LRP12: variants seen among roughly 807,000 people sequenced by gnomAD.
LRP12 encodes the protein LDL receptor related protein 12.
In LRP12, 14 loss-of-function variants were observed where a neutral mutation model predicts 66.0. The ratio of observed to expected loss-of-function variants is 0.21; its 90% CI spans 0.14 to 0.33. The LOEUF is 0.33. Ranked by LOEUF, LRP12 falls within the 10% of genes least tolerant of loss-of-function variation. LRP12 has a pLI of 1.00. For synonymous variants in LRP12, 357 were observed against 359.1 expected, an observed-to-expected ratio of 0.99 and a Z score of 0.07; for missense variants, 889 against 1,053.4, an observed-to-expected ratio of 0.84 and a Z score of 2.16.
chr8:104,515,167 T>A (rs1588488623), intron 2 of LRP12, among the ~76,000 whole-genome samples: 1 of 152,240 alleles, frequency 6.6e-6, no homozygotes, highest in Non-Finnish European at 1.5e-5. Context: ...TTGAACTTCA[T>A]CTTTCTATAT....
chr8:104,581,920 CT>C (rs1280405186), intron 1 of LRP12, among the ~76,000 whole-genome samples: 3 of 152,132 alleles, frequency 2.0e-5, no homozygotes, highest in Non-Finnish European at 4.4e-5. Context: ...CTTAGCAAAA[CT>C]TTCACAAGCA....
chr8:104,555,781 T>C (rs983537877), intron 1 of LRP12, among the ~76,000 whole-genome samples: 5 of 151,982 alleles, frequency 3.3e-5, no homozygotes, highest in Non-Finnish European at 7.4e-5. Context: ...AAAGAAACAA[T>C]GGACTTCAAC....
In LRP12 at chr8:104,526,956, G is replaced by C. The variant is rs1321211357; in HGVS notation, c.136+4951C>G. On this transcript the variant is annotated intron_variant, in intron 2 of 6. Transcript: ENST00000276654. ...CATCTGACAAAAGGGCTAATATCCA[G>C]AATCTACAATGAACTCAAACAAATT... Among the ~76,000 whole-genome samples, 14 of 147,828 alleles carry C rather than the reference G, an allele frequency of 9.5e-5. No individual in the cohort carries two copies. In the South Asian group the frequency reaches 2.1e-3, roughly 22 times the overall value.
At position 104,493,057 on chromosome 8, in the gene LRP12, T is replaced by C. The variant is rs370173775; in HGVS notation, c.1714-1518A>G. ...CAATGCCTTCAACATACTTTATTGC[T>C]GACTTTAACATTTGGTTTGTCATAC... On this transcript the variant is annotated intron_variant, in intron 6 of 6. Transcript: ENST00000276654. Among the ~76,000 whole-genome samples, 199 of 152,344 alleles carry C rather than the reference T, an allele frequency of 1.3e-3. 1 individual carries two copies. Among genetic ancestry groups the C allele is most frequent in the African/African-American group, 4.6e-3 (192 of 41,586 alleles).
intron 1 of LRP12, among the ~76,000 whole-genome samples, chr8:104,557,297 A>G (rs1025211705): frequency 6.6e-6 from 1 of 152,172 alleles, no homozygotes; most frequent in African/African-American, 2.4e-5. Flanking sequence ...CAATCAGACA[A>G]GAGACAAAGG....
At chr8:104,517,882 T>C (rs1028365114) in intron 2 of LRP12, among the ~76,000 whole-genome samples, 1 of 152,120 alleles carries the variant, frequency 6.6e-6, no homozygotes, top group African/African-American at 2.4e-5. Context: ...CTGGATTGAA[T>C]GGCCATATGG....
intron 2 of LRP12, among the ~76,000 whole-genome samples, chr8:104,511,733 T>G (rs895162825): frequency 1.3e-5 from 2 of 152,088 alleles, no homozygotes; most frequent in African/African-American, 4.8e-5. Flanking sequence ...TATATTCTAC[T>G]GCAGAAAAAA....
At chr8:104,509,473 T>C (rs557174765) in intron 2 of LRP12, among the ~76,000 whole-genome samples, 1 of 152,338 alleles carries the variant, frequency 6.6e-6, no homozygotes, top group Non-Finnish European at 1.5e-5. Flanking sequence ...ATCTTCCCTT[T>C]GTCCAGTGTA....
intron 1 of LRP12, among the ~76,000 whole-genome samples, chr8:104,576,167 G>A (rs1812161713): frequency 6.6e-6 from 1 of 152,064 alleles, no homozygotes; most frequent in Non-Finnish European, 1.5e-5. Flanking sequence ...AAAGAGATGG[G>A]GAAAATGGAA....
chr8:104,508,967 C>T lies in LRP12; in HGVS notation c.244G>A (p.Ala82Thr), dbSNP rs888731366. 1 of 1,613,264 alleles carries T rather than the reference C, an allele frequency of 6.2e-7. No homozygotes were observed. Among genetic ancestry groups the T allele is most frequent in the African/African-American group, 1.3e-5 (1 of 75,000 alleles). ...AKINCSWFIRANPGEIITISF... is the reference protein window; with the variant it reads ...AKINCSWFIRTNPGEIITISF... ...ATAGTAATGATTTCGCCTGGGTTTG[C>T]CCTTATGAACCAGCTACAGTTGATT... The change falls in exon 3 of 7, where the codon GCA (alanine) becomes ACA (threonine). Residue 82 changes from alanine to threonine, a missense_variant. Ala to Thr is a moderately conservative substitution (Grantham distance 58, BLOSUM62 0). Coordinates refer to ENST00000276654, the MANE Select transcript of LRP12 (RefSeq NM_013437.5).
intron 6 of LRP12, among the ~76,000 whole-genome samples, chr8:104,492,362 T>C (rs939793323): frequency 1.2e-4 from 19 of 152,194 alleles, no homozygotes; most frequent in Admixed American, 6.5e-5. Context: ...AGTTTAGAGT[T>C]TGTTTTTAAA....
intron 1 of LRP12, among the ~76,000 whole-genome samples, chr8:104,554,378 T>C (rs1347405401): frequency 2.6e-5 from 4 of 151,694 alleles, no homozygotes; most frequent in Non-Finnish European, 2.9e-5. Flanking sequence ...TTTTTTTAAA[T>C]GTTACAGGAT....
intron 1 of LRP12, among the ~76,000 whole-genome samples, chr8:104,548,048 T>A (rs1811628464): frequency 1.7e-5 from 2 of 120,880 alleles, no homozygotes; most frequent in South Asian, 5.0e-4. Flanking sequence ...AATTCTGTTA[T>A]ATTATATTTT....
rs1013141274 is a variant in LRP12 at position 104,577,537 on chromosome 8, G to A, written c.79+11282C>T. 2.0e-5 allele frequency among the ~76,000 whole-genome samples: 3 copies of A among 152,234 alleles called. No homozygotes were observed. In the East Asian group the frequency reaches 5.8e-4, roughly 30 times the overall value. On this transcript the variant is annotated intron_variant, in intron 1 of 6. Coordinates refer to ENST00000276654, the MANE Select transcript of LRP12 (RefSeq NM_013437.5). ...AGAAGTTCTTGGAAACAGGCCGGGA[G>A]CAGTGGCTCACGCCTGTAATCCCAC... is the stretch of plus-strand genomic sequence containing the variant.
At chr8:104,554,951 A>C (rs1037866092) in intron 1 of LRP12, among the ~76,000 whole-genome samples, 2 of 152,194 alleles carry the variant, frequency 1.3e-5, no homozygotes, top group Non-Finnish European at 2.9e-5. Context: ...ACAAGCTAGA[A>C]GGGATTGGGG....
rs781122179 is a variant in LRP12, at chr8:104,497,996, T to C, written c.556A>G (p.Asn186Asp). 2.5e-6 allele frequency: 4 copies of C among 1,614,146 alleles called. No homozygotes were observed. Among genetic ancestry groups the C allele is most frequent in the Non-Finnish European group, 3.4e-6 (4 of 1,180,004 alleles). ...CTATCTCCACATTCATCCATGTTAT[T>C]ACATTTCCAGGCTTCTGGTATACAC... Reference protein sequence around the residue: ...GKCIPEAWKCNNMDECGDSSD... With the variant: ...GKCIPEAWKCDNMDECGDSSD... Residue 186 changes from asparagine (N) to aspartate (D), a missense_variant, in exon 5 of 7, where the codon AAT becomes GAT. Transcript: ENST00000276654. The surrounding 1 kb of genome is among the most constrained non-coding windows in gnomAD (Gnocchi z 4.3).
Position 104,490,822 on chromosome 8 carries a change from T to C in LRP12, c.2431A>G (p.Asn811Asp), listed in dbSNP as rs1445380887. 7 of 1,614,010 alleles carry C rather than the reference T, an allele frequency of 4.3e-6. No homozygotes were observed. The African/African-American group carries it at 9.3e-5, about 22-fold the overall frequency. ...DQGQGLRQPY[N>D]ATNPGVRPSN... ...GGCCTTACTCCAGGATTTGTTGCATTATATGGTTGTCTAAGCCCTTGTCCT... is the reference window on the plus strand; with the variant it reads ...GGCCTTACTCCAGGATTTGTTGCATCATATGGTTGTCTAAGCCCTTGTCCT... The change falls in exon 7 of 7, where the codon AAT becomes GAT. Residue 811 changes from asparagine to aspartate, a missense_variant. By Grantham distance (23) the Asn-to-Asp change is conservative (BLOSUM62 1). Around this residue, in one of 3 missense-constraint regions of LRP12, gnomAD observed 800 missense variants for 964.5 expected, o/e 0.83. Coordinates refer to ENST00000276654, the MANE Select transcript of LRP12 (RefSeq NM_013437.5).
rs550260302 is a variant in LRP12, at chr8:104,493,586, C to G, written c.1713+1491G>C. On this transcript the variant is annotated intron_variant, in intron 6 of 6. Coordinates refer to ENST00000276654, the MANE Select transcript of LRP12 (RefSeq NM_013437.5). ...GCCTTGGACCAGCCAGATAGTAAAA[C>G]TGATTTAGACTGGAAGCTCTGAACC... 1.3e-3 allele frequency among the ~76,000 whole-genome samples: 197 copies of G among 152,328 alleles called. 1 individual carries two copies. Among genetic ancestry groups the G allele is most frequent in the African/African-American group, 4.6e-3 (190 of 41,582 alleles).
At chr8:104,548,160 T>TATATAATATA (rs1465502576) in intron 1 of LRP12, among the ~76,000 whole-genome samples, 745 of 57,260 alleles carry the variant, frequency 0.013, 18 homozygotes, top group African/African-American at 0.06. Flanking sequence ...ATATTAATAA[T>TATATAATATA]TATTATATAT....
Sources: gnomAD v4.1 joint callset for allele counts (sites outside exome capture counted in the v4.1 genomes callset) on GRCh38, gnomAD v4.1.1 for gene constraint, gnomAD v4.1.1 regional missense constraint, Gnocchi (gnomAD v3.1) non-coding constraint, MANE v1.5 for transcripts, NCBI Gene and HGNC (gene_info 2026-07-23, HGNC 2026-07-21) for gene names.